MELK: variants seen among roughly 807,000 people sequenced by gnomAD.
MELK encodes the protein maternal embryonic leucine zipper kinase.
A neutral mutation model predicts 85.0 loss-of-function variants in MELK; 81 were observed. That is an observed-to-expected ratio of 0.95 (90% CI 0.80 to 1.15). The LOEUF (loss-of-function observed/expected upper bound fraction) is 1.15. Among genes scored for constraint, MELK ranks in the 50% most tolerant of loss-of-function variants. The pLI is 0.00. For missense variants in MELK, 754 were observed against 777.5 expected (o/e 0.97, Z 0.36); for synonymous variants, 252 against 265.0 (o/e 0.95, Z 0.48).
intron 3 of MELK, 136 bp from the exon 4 acceptor site, chr9:36,589,400 G>A (rs1328876905): frequency 3.5e-5 from 22 of 630,626 alleles, no homozygotes; most frequent in South Asian, 3.1e-4. Context: ...CGCCCGCCTC[G>A]GCCTCCCAAA....
At chr9:36,630,211 T>G (rs1828395722) in intron 8 of MELK, 88 bp from the exon 9 acceptor site, 1 of 993,504 alleles carries the variant, frequency 1.0e-6, no homozygotes, top group Non-Finnish European at 1.6e-6. Context: ...TCTTCAAGCT[T>G]AAAAGTAAAC....
intron 2 of MELK, among the ~76,000 whole-genome samples, chr9:36,582,208 T>C (rs10125238): frequency 0.058 from 8,842 of 152,250 alleles, 720 homozygotes; most frequent in African/African-American, 0.17. Context: ...GACCTCGTGA[T>C]CCACCCGCCT....
chr9:36,652,593 G>A (rs1830816908), intron 12 of MELK, among the ~76,000 whole-genome samples: 1 of 151,740 alleles, frequency 6.6e-6, no homozygotes, highest in South Asian at 2.1e-4. Context: ...AGCCAGGCGT[G>A]GTGATGAGTG....
chr9:36,665,456 C>T lies in MELK; in HGVS notation c.1283C>T (p.Thr428Ile). Residue 428 changes from threonine to isoleucine, a missense_variant, in exon 14 of 18, where the codon ACT becomes ATT. Thr to Ile is a moderately conservative substitution (Grantham distance 89, BLOSUM62 -1). Coordinates refer to ENST00000298048, the MANE Select transcript of MELK (RefSeq NM_014791.4). ...NKLKNKENVY[T>I]PKSAVKNEEY... Reference sequence around the variant, plus strand: ...TTAAAGAACAAAGAAAATGTATATACTCCTAAGTCTGCTGTAAAGAATGAA... The same window carrying T: ...TTAAAGAACAAAGAAAATGTATATATTCCTAAGTCTGCTGTAAAGAATGAA... 6.2e-7 allele frequency: 1 copy of T among 1,612,934 alleles called. No homozygotes were observed. Among genetic ancestry groups the T allele is most frequent in the Non-Finnish European group, 8.5e-7 (1 of 1,179,058 alleles).
chr9:36,636,793 T>TG lies in MELK; in HGVS notation c.834+3593_834+3594insG, dbSNP rs1179276152. ...CTTTCTTTCTTTCTTTCTGTCTGTC[T>TG]TTCTTTCTTTCTGTCTTTCTTTCTT... On this transcript the variant is annotated intron_variant, in intron 10 of 17. Coordinates refer to ENST00000298048, the MANE Select transcript of MELK (RefSeq NM_014791.4). Among the ~76,000 whole-genome samples the TG allele has an allele frequency of 5.0e-3, 690 of 138,574 alleles. 27 individuals are homozygous for TG. The highest frequency in any genetic ancestry group is 0.017 in the African/African-American group (604 of 34,956). The allele number at this position is 138,574 out of a possible 152,430, so 90.9% of individuals were successfully genotyped here.
At chr9:36,593,644 A>G (rs966203809) in intron 4 of MELK, among the ~76,000 whole-genome samples, 2 of 152,206 alleles carry the variant, frequency 1.3e-5, no homozygotes, top group Non-Finnish European at 2.9e-5. Flanking sequence ...CTGCTGCTGC[A>G]GTAAATGATC....
chr9:36,657,940 T>C (rs917781300), intron 13 of MELK, among the ~76,000 whole-genome samples: 2 of 152,214 alleles, frequency 1.3e-5, no homozygotes, highest in African/African-American at 4.8e-5. Flanking sequence ...GTTAAATAGG[T>C]AAAGTCACCT....
intron 3 of MELK, among the ~76,000 whole-genome samples, chr9:36,587,097 C>T (rs1185050839): frequency 6.6e-6 from 1 of 152,084 alleles, no homozygotes; most frequent in Admixed American, 6.6e-5. Context: ...GGTCCGTCTG[C>T]CTCAGCCTCT....
chr9:36,660,235 T>G (rs184325064), intron 13 of MELK, among the ~76,000 whole-genome samples: 1 of 152,360 alleles, frequency 6.6e-6, no homozygotes, highest in Non-Finnish European at 1.5e-5. Context: ...CTCTAACTTT[T>G]TTTTCAGCAT....
At chr9:36,625,779 G>T (rs1209894109) in intron 8 of MELK, among the ~76,000 whole-genome samples, 1 of 152,002 alleles carries the variant, frequency 6.6e-6, no homozygotes, top group Non-Finnish European at 1.5e-5. Flanking sequence ...AAATTAGCCA[G>T]TCATGGTGGT....
rs753919011 is a variant in MELK at position 36,677,283 on chromosome 9, T to C, written c.1902T>C (p.Asp634=). 9 of 1,614,024 alleles carry C rather than the reference T, an allele frequency of 5.6e-6. No individual in the cohort carries two copies. In the South Asian group the frequency reaches 9.9e-5, roughly 18 times the overall value. ...VGIRRQRLKG[D]AWVYKRLVED... ...TCAGGAGGCAGCGGCTTAAGGGCGA[T>C]GCCTGGGTTTACAAAAGATTAGTGG... The change falls in exon 18 of 18, where the codon GAT becomes GAC. Residue 634 remains aspartate (D), a synonymous_variant. Coordinates refer to ENST00000298048, the MANE Select transcript of MELK (RefSeq NM_014791.4).
intron 10 of MELK, among the ~76,000 whole-genome samples, chr9:36,634,795 G>A (rs1266006424): frequency 6.6e-6 from 1 of 151,728 alleles, no homozygotes; most frequent in African/African-American, 2.4e-5. Context: ...TCAGGAGTTC[G>A]AGACCAGCCT....
intron 8 of MELK, among the ~76,000 whole-genome samples, chr9:36,612,830 G>A (rs1327483686): frequency 6.6e-6 from 1 of 152,172 alleles, no homozygotes. Flanking sequence ...TTTTCTTGGG[G>A]AGAGCTTGAC....
At chr9:36,595,970 C>T (rs566175771) in intron 5 of MELK, among the ~76,000 whole-genome samples, 10 of 152,072 alleles carry the variant, frequency 6.6e-5, no homozygotes, top group Admixed American at 2.0e-4. Flanking sequence ...TGCCTGCCAC[C>T]ACTCTCGGCT....
chr9:36,614,435 TTTTTTTTTAATTTA>T (rs1355763091), intron 8 of MELK, among the ~76,000 whole-genome samples: 1 of 126,694 alleles, frequency 7.9e-6, no homozygotes, highest in African/African-American at 3.4e-5. Flanking sequence ...GTTTTTTTTT[TTTTTTTTTAATTTA>T]TTTTTTTATT....
chr9:36,657,119 T>C, intron 12 of MELK, 122 bp from the exon 13 acceptor site: 1 of 1,128,712 alleles, frequency 8.9e-7, no homozygotes, highest in Non-Finnish European at 1.2e-6. Flanking sequence ...GTTCACACAG[T>C]GATAAAATTG....
intron 4 of MELK, among the ~76,000 whole-genome samples, chr9:36,592,228 G>A (rs1823694685): frequency 1.4e-5 from 2 of 145,652 alleles, no homozygotes; most frequent in South Asian, 4.3e-4. Flanking sequence ...GTGCTGGAGT[G>A]CAATGGCGTA....
chr9:36,613,596 A>G (rs1474642864), intron 8 of MELK, among the ~76,000 whole-genome samples: 1 of 152,204 alleles, frequency 6.6e-6, no homozygotes, highest in Non-Finnish European at 1.5e-5. Context: ...TGTGGAGGAA[A>G]GGGCCAGTAG....
intron 2 of MELK, among the ~76,000 whole-genome samples, chr9:36,582,034 C>T (rs186820876): frequency 5.3e-5 from 8 of 151,350 alleles, no homozygotes; most frequent in East Asian, 3.9e-4. Context: ...TGCAGTGGCG[C>T]GATCTTGGCT....
Sources: gnomAD v4.1 joint callset for allele counts (sites outside exome capture counted in the v4.1 genomes callset) on GRCh38, gnomAD v4.1.1 for gene constraint, MANE v1.5 for transcripts, NCBI Gene and HGNC (gene_info 2026-07-23, HGNC 2026-07-21) for gene names.